Variants in FEM1B observed in about 807,000 individuals in gnomAD.
The protein encoded by FEM1B is fem-1 homolog B, also known as protein fem-1 homolog B.
In FEM1B, 10 loss-of-function variants were observed where a neutral mutation model predicts 38.6. That is an observed-to-expected ratio of 0.26 (90% confidence interval 0.16 to 0.44). The LOEUF (loss-of-function observed/expected upper bound fraction) is 0.44. Ranked by LOEUF, FEM1B falls within the 20% of genes least tolerant of loss-of-function variation. The pLI, the probability that FEM1B is intolerant of heterozygous loss-of-function variation, is 1.00. For synonymous variants in FEM1B, 288 were observed against 288.0 expected, an observed-to-expected ratio of 1.00 and a Z score of 0.00; for missense variants, 471 against 786.7, an observed-to-expected ratio of 0.60 and a Z score of 4.80.
rs941356243 is a variant in FEM1B at position 68,293,967 on chromosome 15, T to C, written c.*2725T>C. 1 of 152,180 alleles carries C rather than the reference T, an allele frequency of 6.6e-6. No homozygotes were observed. The highest frequency in any genetic ancestry group is 1.5e-5 in the Non-Finnish European group (1 of 68,020). The allele number at this position is 152,180 out of a possible 1,614,324, so 9.4% of individuals were successfully genotyped here. A position where few individuals can be genotyped will look rare whatever the true frequency, so the allele number is the denominator to read the frequency against. The stretch of plus-strand genomic sequence containing the variant: ...AAATCTTCATTGATGGTATTACAGA[T>C]TCAACCAAAACTTCTCTGTCCTGTT... On this transcript the variant is annotated 3_prime_UTR_variant, in exon 2 of 2. Transcript: ENST00000306917. The surrounding 1 kb of genome is among the most constrained non-coding windows in gnomAD (Gnocchi z 5.8).
At position 68,293,920 on chromosome 15, in the gene FEM1B, GTATACT is replaced by G. The variant is rs1389778981; in HGVS notation, c.*2682_*2687del. 1 of 152,018 alleles carries G rather than the reference GTATACT, an allele frequency of 6.6e-6. No individual in the cohort carries two copies. Among genetic ancestry groups the G allele is most frequent in the African/African-American group, 2.4e-5 (1 of 41,408 alleles). The allele number at this position is 152,018 out of a possible 1,614,324, so 9.4% of individuals were successfully genotyped here. A position where few individuals can be genotyped will look rare whatever the true frequency, so the allele number is the denominator to read the frequency against. On this transcript the variant is annotated 3_prime_UTR_variant, in exon 2 of 2. Transcript: ENST00000306917. This position sits in a 1 kb window ranked among gnomAD's most constrained non-coding sequence, Gnocchi z 5.8. ...TTTGGTCATTTGATGTTTACTATTG[GTATACT>G]TATGCTTTGAATTGTAAATCTTCAT...
At position 68,289,580 on chromosome 15, in the gene FEM1B, C is replaced by T. The variant is rs767669277; in HGVS notation, c.249-27C>T. 5.7e-6 allele frequency: 9 copies of T among 1,587,634 alleles called. No homozygotes were observed. The highest frequency in any genetic ancestry group is 1.8e-4 in the Middle Eastern group (1 of 5,458). Reference sequence around the variant, plus strand: ...TATGTTAGGCTGTGGCCTCTGTTATCTAACTGCTTATTCTTTTCATGTGTA... The same window carrying T: ...TATGTTAGGCTGTGGCCTCTGTTATTTAACTGCTTATTCTTTTCATGTGTA... On this transcript the variant is annotated intron_variant, in intron 1 of 1. Transcript: ENST00000306917. This position sits in a 1 kb window ranked among gnomAD's most constrained non-coding sequence, Gnocchi z 6.9.
rs201268065 is a variant in FEM1B, at chr15:68,291,141, A to G, written c.1783A>G (p.Met595Val). Residue 595 changes from methionine to valine, a missense_variant, in exon 2 of 2, where the codon ATG becomes GTG. By Grantham distance (21) the Met-to-Val change is conservative. Around this residue, in one of 3 missense-constraint regions of FEM1B, gnomAD observed 380 missense variants for 599.6 expected, o/e 0.63. Coordinates refer to ENST00000306917, the MANE Select transcript of FEM1B (RefSeq NM_015322.5). The surrounding 1 kb of genome is among the most constrained non-coding windows in gnomAD (Gnocchi z 6.9). The part of the protein sequence containing the change: ...SEILLKTQMK[M>V]SLKCLAARAV... The stretch of plus-strand genomic sequence containing the variant: ...AATACTGCTTAAAACTCAAATGAAG[A>G]TGAGTCTCAAGTGCCTGGCTGCCCG... The G allele has an allele frequency of 6.2e-7, 1 of 1,613,928 alleles. No individual in the cohort carries two copies. The highest frequency in any genetic ancestry group is 1.6e-4 in the Middle Eastern group (1 of 6,062).
chr15:68,287,910 G>A (rs1289043269), intron 1 of FEM1B, among the ~76,000 whole-genome samples: 3 of 147,230 alleles, frequency 2.0e-5, no homozygotes, highest in Non-Finnish European at 4.5e-5. Flanking sequence ...GTCAGCTCAC[G>A]GCAACCTCTG....
Position 68,288,644 on chromosome 15 carries a change from T to C in FEM1B, c.249-963T>C, listed in dbSNP as rs1177489867. 6.6e-6 allele frequency among the ~76,000 whole-genome samples: 1 copy of C among 152,222 alleles called. No homozygotes were observed. The highest frequency in any genetic ancestry group is 1.5e-5 in the Non-Finnish European group (1 of 68,044). On this transcript the variant is annotated intron_variant, in intron 1 of 1. Transcript: ENST00000306917. This position sits in a 1 kb window ranked among gnomAD's most constrained non-coding sequence, Gnocchi z 4.6. ...ATGTTTAGTAAGTAAGTGATAAGTATGAAGCCACAAGTCCAGTCATGTCAG... is the reference window on the plus strand; with the variant it reads ...ATGTTTAGTAAGTAAGTGATAAGTACGAAGCCACAAGTCCAGTCATGTCAG...
In FEM1B at chr15:68,281,877, G is replaced by A. The variant is rs556796726; in HGVS notation, c.248+3212G>A. 2.0e-5 allele frequency among the ~76,000 whole-genome samples: 3 copies of A among 152,322 alleles called. No individual in the cohort carries two copies. The highest frequency in any genetic ancestry group is 1.9e-4 in the East Asian group (1 of 5,188). On this transcript the variant is annotated intron_variant, in intron 1 of 1. Coordinates refer to ENST00000306917, the MANE Select transcript of FEM1B (RefSeq NM_015322.5). This position sits in a 1 kb window ranked among gnomAD's most constrained non-coding sequence, Gnocchi z 5.1. ...GATCCGCATGCCTCGGCCTCCCTAA[G>A]TGCTGGGATTACAGGCTTGAGCCAC...
Position 68,278,236 on chromosome 15 carries a change from C to T in FEM1B, c.-182C>T. ...TCGCGGACGTGCCCTTCGCGGCACTCGGCCTCCTCTGCGTCTCCGCCTTCC... is the reference window on the plus strand; with the variant it reads ...TCGCGGACGTGCCCTTCGCGGCACTTGGCCTCCTCTGCGTCTCCGCCTTCC... On this transcript the variant is annotated 5_prime_UTR_variant, in exon 1 of 2. Coordinates refer to ENST00000306917, the MANE Select transcript of FEM1B (RefSeq NM_015322.5). The surrounding 1 kb of genome is among the most constrained non-coding windows in gnomAD (Gnocchi z 5.7). 3.7e-6 allele frequency: 3 copies of T among 801,998 alleles called. No homozygotes were observed. Among genetic ancestry groups the T allele is most frequent in the South Asian group, 1.9e-5 (1 of 53,296 alleles). The allele number at this position is 801,998 out of a possible 1,614,324, so 49.7% of individuals were successfully genotyped here.
rs905094692 is a variant in FEM1B, at chr15:68,289,937, T to C, written c.579T>C (p.Phe193=). The C allele has an allele frequency of 1.2e-6, 2 of 1,614,024 alleles. No individual in the cohort carries two copies. Among genetic ancestry groups the C allele is most frequent in the Non-Finnish European group, 1.7e-6 (2 of 1,180,024 alleles). The stretch of plus-strand genomic sequence containing the variant: ...ATTGTGGAGCCACAGCATTGCACTT[T>C]GCAGCTGAAGCTGGGCACATAGATA... ...KAHCGATALH[F]AAEAGHIDIV... Residue 193 remains phenylalanine, a synonymous_variant, in exon 2 of 2, where the codon TTT becomes TTC. Coordinates refer to ENST00000306917, the MANE Select transcript of FEM1B (RefSeq NM_015322.5). This position sits in a 1 kb window ranked among gnomAD's most constrained non-coding sequence, Gnocchi z 6.9.
intron 1 of FEM1B, among the ~76,000 whole-genome samples, chr15:68,286,169 C>T (rs1012861379): frequency 6.6e-6 from 1 of 150,530 alleles, no homozygotes; most frequent in African/African-American, 2.4e-5. Context: ...TTCACTGGAG[C>T]CTTTGTCAGA....
intron 1 of FEM1B, among the ~76,000 whole-genome samples, chr15:68,283,775 C>T (rs546455893): frequency 1.3e-5 from 2 of 151,792 alleles, no homozygotes; most frequent in Non-Finnish European, 2.9e-5. Context: ...AGTTTGGAAA[C>T]GTTCTTTAAA....
chr15:68,287,750 C>T (rs1892804699), intron 1 of FEM1B, among the ~76,000 whole-genome samples: 1 of 151,780 alleles, frequency 6.6e-6, no homozygotes, highest in Non-Finnish European at 1.5e-5. Flanking sequence ...GTGAGGGCCG[C>T]ATCCTCCAGA....
In FEM1B at chr15:68,287,672, AATTT is replaced by A. The variant is rs539732677; in HGVS notation, c.249-1930_249-1927del. Among the ~76,000 whole-genome samples, 6 of 152,238 alleles carry A rather than the reference AATTT, an allele frequency of 3.9e-5. No individual in the cohort carries two copies. In the South Asian group the frequency reaches 8.3e-4, roughly 21 times the overall value. On this transcript the variant is annotated intron_variant, in intron 1 of 1. Transcript: ENST00000306917. Reference sequence around the variant, plus strand: ...CCTGACACTGTAATTTATGAACAGAAATTTATTTCTCATATTTCTGGAAGCTGGA... The same window carrying A: ...CCTGACACTGTAATTTATGAACAGAAATTTCTCATATTTCTGGAAGCTGGA...
rs754065123 is a variant in FEM1B, at chr15:68,290,939, C to G, written c.1581C>G (p.Ala527=). Reference sequence around the variant, plus strand: ...TGGACTGTGGTGCTGAGGTGAATGCCGTGGACAATGAGGGAAACAGTGCCC... The same window carrying G: ...TGGACTGTGGTGCTGAGGTGAATGCGGTGGACAATGAGGGAAACAGTGCCC... ...LLLDCGAEVN[A]VDNEGNSALH... is the part of the protein sequence containing the mutation. Residue 527 remains alanine (A), a synonymous_variant, in exon 2 of 2, where the codon GCC becomes GCG. Transcript: ENST00000306917. This position sits in a 1 kb window ranked among gnomAD's most constrained non-coding sequence, Gnocchi z 9.7. 19 of 1,613,996 alleles carry G rather than the reference C, an allele frequency of 1.2e-5. No homozygotes were observed. The highest frequency in any genetic ancestry group is 1.4e-5 in the Non-Finnish European group (16 of 1,180,022).
rs893553371 is a variant in FEM1B at position 68,281,526 on chromosome 15, A to G, written c.248+2861A>G. ...AAGTCTATTCTACCTAAAACCTTCT[A>G]TAATACCTTAGGAAACTAAAGTGGA... On this transcript the variant is annotated intron_variant, in intron 1 of 1. Transcript: ENST00000306917. This position sits in a 1 kb window ranked among gnomAD's most constrained non-coding sequence, Gnocchi z 5.1. Among the ~76,000 whole-genome samples the G allele has an allele frequency of 2.0e-5, 3 of 152,252 alleles. No individual in the cohort carries two copies. The highest frequency in any genetic ancestry group is 4.8e-5 in the African/African-American group (2 of 41,470).
rs1892823253 is a variant in FEM1B at position 68,289,409 on chromosome 15, C to G, written c.249-198C>G. The G allele has an allele frequency of 1.7e-6, 1 of 583,412 alleles. No homozygotes were observed. Among genetic ancestry groups the G allele is most frequent in the Non-Finnish European group, 3.0e-6 (1 of 328,210 alleles). 36.1% of individuals were successfully genotyped at this position (583,412 alleles called of 1,614,324 possible). A position where few individuals can be genotyped will look rare whatever the true frequency, so the allele number is the denominator to read the frequency against. ...CTCTAGTAGTAACAGTAATAGCTAGCATATATTGAGCTTTATATTAGGTAC... is the reference window on the plus strand; with the variant it reads ...CTCTAGTAGTAACAGTAATAGCTAGGATATATTGAGCTTTATATTAGGTAC... On this transcript the variant is annotated intron_variant, in intron 1 of 1. Coordinates refer to ENST00000306917, the MANE Select transcript of FEM1B (RefSeq NM_015322.5). This position sits in a 1 kb window ranked among gnomAD's most constrained non-coding sequence, Gnocchi z 6.9.
rs1892866818 is a variant in FEM1B at position 68,293,327 on chromosome 15, A to G, written c.*2085A>G. 2 of 152,238 alleles carry G rather than the reference A, an allele frequency of 1.3e-5. No homozygotes were observed. Among genetic ancestry groups the G allele is most frequent in the African/African-American group, 4.8e-5 (2 of 41,472 alleles). The allele number at this position is 152,238 out of a possible 1,614,324, so 9.4% of individuals were successfully genotyped here. ...TGTATATTATTTTTATTTAAACATC[A>G]AAACTTAAAATATCAGATAATGTTG... On this transcript the variant is annotated 3_prime_UTR_variant, in exon 2 of 2. Coordinates refer to ENST00000306917, the MANE Select transcript of FEM1B (RefSeq NM_015322.5). The surrounding 1 kb of genome is among the most constrained non-coding windows in gnomAD (Gnocchi z 5.8).
rs1892685043 is a variant in FEM1B, at chr15:68,278,323, G to A, written c.-95G>A. The A allele has an allele frequency of 6.8e-7, 1 of 1,470,624 alleles. No homozygotes were observed. Among genetic ancestry groups the A allele is most frequent in the South Asian group, 1.3e-5 (1 of 74,372 alleles). The allele number at this position is 1,470,624 out of a possible 1,614,324, so 91.1% of individuals were successfully genotyped here. ...CGGCGCCCTGTTGAATGGGCTGTGA[G>A]GGCCCAGGTTTAAAGCGCTGGCGAA... is the stretch of plus-strand genomic sequence containing the variant. On this transcript the variant is annotated 5_prime_UTR_variant, in exon 1 of 2. Coordinates refer to ENST00000306917, the MANE Select transcript of FEM1B (RefSeq NM_015322.5). This position sits in a 1 kb window ranked among gnomAD's most constrained non-coding sequence, Gnocchi z 5.7.
chr15:68,283,775 C>G (rs546455893), intron 1 of FEM1B, among the ~76,000 whole-genome samples: 3 of 151,904 alleles, frequency 2.0e-5, no homozygotes, highest in African/African-American at 7.2e-5. Context: ...AGTTTGGAAA[C>G]GTTCTTTAAA....
In FEM1B at chr15:68,278,239, C is replaced by G; in HGVS notation, c.-179C>G. 1 of 820,708 alleles carries G rather than the reference C, an allele frequency of 1.2e-6. No homozygotes were observed. Among genetic ancestry groups the G allele is most frequent in the Admixed American group, 3.1e-5 (1 of 32,150 alleles). 50.8% of individuals were successfully genotyped at this position (820,708 alleles called of 1,614,324 possible). ...CGGACGTGCCCTTCGCGGCACTCGGCCTCCTCTGCGTCTCCGCCTTCCCTG... is the reference window on the plus strand; with the variant it reads ...CGGACGTGCCCTTCGCGGCACTCGGGCTCCTCTGCGTCTCCGCCTTCCCTG... On this transcript the variant is annotated 5_prime_UTR_variant, in exon 1 of 2. Transcript: ENST00000306917. The surrounding 1 kb of genome is among the most constrained non-coding windows in gnomAD (Gnocchi z 5.7).
Sources: allele counts gnomAD v4.1 joint callset (sites outside exome capture counted in the v4.1 genomes callset), GRCh38; gene constraint gnomAD v4.1.1; regional missense constraint gnomAD v4.1.1; non-coding constraint Gnocchi (gnomAD v3.1); transcripts MANE v1.5; gene names NCBI Gene and HGNC (gene_info 2026-07-23, HGNC 2026-07-21).